RALGAPA2: variants seen among roughly 807,000 people sequenced by gnomAD.
The protein encoded by RALGAPA2 is Ral GTPase activating protein catalytic subunit alpha 2.
In RALGAPA2, 139 loss-of-function variants were observed where a neutral mutation model predicts 230.4. The observed-to-expected ratio is 0.60, with a 90% CI of 0.53 to 0.69. The LOEUF (loss-of-function observed/expected upper bound fraction) is 0.69, where lower values mean the gene tolerates loss of function less well. Among genes scored for constraint, RALGAPA2 ranks in the 30% least tolerant of loss-of-function variants. RALGAPA2 has a pLI of 0.00. For synonymous variants in RALGAPA2, 847 were observed against 837.8 expected, an observed-to-expected ratio of 1.01 and a Z score of -0.19; for missense variants, 2,163 against 2,276.0, an observed-to-expected ratio of 0.95 and a Z score of 1.01.
At position 20,520,771 on chromosome 20, in the gene RALGAPA2, A is replaced by G. The variant is rs1221715738; in HGVS notation, c.4084+146T>C. The G allele has an allele frequency of 5.3e-6, 3 of 567,398 alleles. No homozygotes were observed. In the African/African-American group the frequency reaches 5.7e-5, roughly 11 times the overall value. 35.1% of individuals were successfully genotyped at this position (567,398 alleles called of 1,614,324 possible). On this transcript the variant is annotated intron_variant, in intron 31 of 39. Transcript: ENST00000202677. ...GAGGAGAAAAAAAGAAGAAACAAGG[A>G]AGGCAGAATTTGCCATCACAGAGGA...
At chr20:20,531,545 C>A in intron 27 of RALGAPA2, 142 bp downstream of exon 27, 2 of 750,610 alleles carry the variant, frequency 2.7e-6, no homozygotes, top group Non-Finnish European at 4.4e-6. Context: ...GTGCCCCTCC[C>A]GGGAGCCTCA....
intron 16 of RALGAPA2, among the ~76,000 whole-genome samples, chr20:20,593,794 C>T (rs888018891): frequency 1.3e-5 from 2 of 152,204 alleles, no homozygotes; most frequent in Non-Finnish European, 2.9e-5. Context: ...TAAAGAACAT[C>T]GCCATCTGGT....
chr20:20,588,261 C>G (rs2065188630), intron 18 of RALGAPA2, among the ~76,000 whole-genome samples: 1 of 152,216 alleles, frequency 6.6e-6, no homozygotes, highest in African/African-American at 2.4e-5. Flanking sequence ...AAATTGTGGT[C>G]TACTTATAGT....
chr20:20,512,416 C>G, intron 32 of RALGAPA2, 97 bp downstream of exon 32: 2 of 1,239,616 alleles, frequency 1.6e-6, no homozygotes, highest in Non-Finnish European at 2.2e-6. Context: ...CTCCTCTCTT[C>G]CCCAATCTTT....
At chr20:20,623,593 T>A (rs2066390027) in intron 10 of RALGAPA2, among the ~76,000 whole-genome samples, 1 of 151,336 alleles carries the variant, frequency 6.6e-6, no homozygotes, top group Admixed American at 6.6e-5. Flanking sequence ...CCAGGGGAGA[T>A]GGGAACCTTC....
chr20:20,452,373 T>TCGTGC, intron 37 of RALGAPA2, among the ~76,000 whole-genome samples: 1 of 152,322 alleles, frequency 6.6e-6, no homozygotes, highest in East Asian at 1.9e-4. Context: ...TTAGCAATGC[T>TCGTGC]ATGAGTCATC....
Position 20,572,962 on chromosome 20 carries a change from G to T in RALGAPA2, c.2814C>A (p.Ile938=). ...ACTGGATGTTATTCACATCTCCGAGGATCCCCAAGACCCTTCGCCATAACA... is the reference window on the plus strand; with the variant it reads ...ACTGGATGTTATTCACATCTCCGAGTATCCCCAAGACCCTTCGCCATAACA... ...AAVLWRRVLG[I]LGDVNNIQSP... The change falls in exon 21 of 40, where the codon ATC becomes ATA. Residue 938 remains isoleucine, a synonymous_variant. Transcript: ENST00000202677. The T allele has an allele frequency of 6.2e-7, 1 of 1,600,762 alleles. No homozygotes were observed. The highest frequency in any genetic ancestry group is 1.3e-5 in the African/African-American group (1 of 74,816).
chr20:20,652,104 T>A (rs181087379), intron 4 of RALGAPA2, among the ~76,000 whole-genome samples: 1 of 152,234 alleles, frequency 6.6e-6, no homozygotes, highest in East Asian at 1.9e-4. Context: ...AATTGACATA[T>A]ACACTTTTTT....
At position 20,520,957 on chromosome 20, in the gene RALGAPA2, A is replaced by G. The variant is rs753198076; in HGVS notation, c.4044T>C (p.His1348=). 6.2e-7 allele frequency: 1 copy of G among 1,613,322 alleles called. No homozygotes were observed. Among genetic ancestry groups the G allele is most frequent in the South Asian group, 1.1e-5 (1 of 91,032 alleles). ...NVKSSEPVQY[H]SSAELGNLLT... Reference sequence around the variant, plus strand: ...GCAGGTTACCCAATTCTGCTGATGAATGATACTGGACTGGCTCAGAGCTCT... The same window carrying G: ...GCAGGTTACCCAATTCTGCTGATGAGTGATACTGGACTGGCTCAGAGCTCT... Residue 1348 remains histidine (H), a synonymous_variant, in exon 31 of 40, where the codon CAT becomes CAC. Coordinates refer to ENST00000202677, the MANE Select transcript of RALGAPA2 (RefSeq NM_020343.4).
chr20:20,538,815 C>T lies in RALGAPA2; in HGVS notation c.3286-2031G>A, dbSNP rs545885110. Among the ~76,000 whole-genome samples the T allele has an allele frequency of 2.6e-4, 40 of 152,210 alleles. 1 individual carries two copies. Among genetic ancestry groups the T allele is most frequent in the Middle Eastern group, 3.4e-3 (1 of 294 alleles). On this transcript the variant is annotated intron_variant, in intron 24 of 39. Transcript: ENST00000202677. Reference sequence around the variant, plus strand: ...ATGACAGAGGTAGGAGCCCTGAGGACGAAGAGACAGACAACAGGAAGAATA... The same window carrying T: ...ATGACAGAGGTAGGAGCCCTGAGGATGAAGAGACAGACAACAGGAAGAATA...
chr20:20,694,903 T>G (rs1288603837), intron 1 of RALGAPA2, among the ~76,000 whole-genome samples: 1 of 152,218 alleles, frequency 6.6e-6, no homozygotes, highest in African/African-American at 2.4e-5. Context: ...GATACCTAAA[T>G]TATTTTTCAT....
intron 26 of RALGAPA2, among the ~76,000 whole-genome samples, chr20:20,533,622 C>T (rs954156824): frequency 1.3e-5 from 2 of 151,946 alleles, no homozygotes; most frequent in African/African-American, 4.8e-5. Context: ...ATATTTGAAG[C>T]CCAGTAGTAA....
rs112099947 is a variant in RALGAPA2 at position 20,419,784 on chromosome 20, T to C, written c.5496-7636A>G. Among the ~76,000 whole-genome samples, 454 of 152,296 alleles carry C rather than the reference T, an allele frequency of 3.0e-3. 4 individuals are homozygous for C. Among genetic ancestry groups the C allele is most frequent in the African/African-American group, 0.01 (436 of 41,562 alleles). On this transcript the variant is annotated intron_variant, in intron 37 of 39. Coordinates refer to ENST00000202677, the MANE Select transcript of RALGAPA2 (RefSeq NM_020343.4). ...ATCCTAGTCTGCTCAGAGAACTGGA[T>C]CTCAAGTGGCTGTGCTATTTTCAAA...
At chr20:20,566,266 T>C (rs939211117) in intron 23 of RALGAPA2, among the ~76,000 whole-genome samples, 1 of 152,194 alleles carries the variant, frequency 6.6e-6, no homozygotes, top group Non-Finnish European at 1.5e-5. Flanking sequence ...TTTCTAGCTT[T>C]CCTTGTACAG....
At chr20:20,422,061 T>A (rs902245992) in intron 37 of RALGAPA2, among the ~76,000 whole-genome samples, 9 of 152,172 alleles carry the variant, frequency 5.9e-5, no homozygotes, top group African/African-American at 2.2e-4. Flanking sequence ...ACTTCATTAA[T>A]ATAAATGTCC....
intron 37 of RALGAPA2, among the ~76,000 whole-genome samples, chr20:20,444,186 C>G (rs2060807576): frequency 6.6e-6 from 1 of 152,144 alleles, no homozygotes; most frequent in Non-Finnish European, 1.5e-5. Flanking sequence ...TGTACAGGGC[C>G]ACAGAATGGG....
intron 16 of RALGAPA2, among the ~76,000 whole-genome samples, chr20:20,598,255 G>C (rs16982016): frequency 0.033 from 4,981 of 152,236 alleles, 102 homozygotes; most frequent in South Asian, 0.061. Context: ...TTAACTCCAA[G>C]TAGATCCCGC....
At position 20,495,165 on chromosome 20, in the gene RALGAPA2, G is replaced by A. The variant is rs117776965; in HGVS notation, c.5319C>T (p.Tyr1773=). Reference sequence around the variant, plus strand: ...TGAAGAACATGTGATTCTTCATTGGGTAAATAATGATTGAAACATCTCCAA... The same window carrying A: ...TGAAGAACATGTGATTCTTCATTGGATAAATAATGATTGAAACATCTCCAA... ...TAFGDVSIII[Y]PMKNHMFFIA... The change falls in exon 36 of 40, where the codon TAC becomes TAT. Residue 1773 remains tyrosine, a synonymous_variant. Coordinates refer to ENST00000202677, the MANE Select transcript of RALGAPA2 (RefSeq NM_020343.4). 5.2e-3 allele frequency: 8,324 copies of A among 1,611,074 alleles called. 39 individuals carry two copies. Among genetic ancestry groups the A allele is most frequent in the Admixed American group, 0.018 (1,101 of 59,946 alleles).
chr20:20,572,444 T>C (rs2145926599), intron 21 of RALGAPA2, among the ~76,000 whole-genome samples: 1 of 140,858 alleles, frequency 7.1e-6, no homozygotes, highest in Non-Finnish European at 1.6e-5. Flanking sequence ...AAGACTCCAT[T>C]TCAAAAAAAA....
Sources: gnomAD v4.1 joint callset for allele counts (sites outside exome capture counted in the v4.1 genomes callset) on GRCh38, gnomAD v4.1.1 for gene constraint, MANE v1.5 for transcripts, NCBI Gene and HGNC (gene_info 2026-07-23, HGNC 2026-07-21) for gene names.